YES1: variants seen among roughly 807,000 people sequenced by gnomAD.
YES1 encodes YES proto-oncogene 1, Src family tyrosine kinase.
In YES1, 39 loss-of-function variants were observed where a neutral mutation model predicts 70.4. The observed-to-expected ratio is 0.55, with a 90% CI of 0.43 to 0.72. YES1 has a LOEUF of 0.72. Among genes scored for constraint, YES1 ranks in the 30% least tolerant of loss-of-function variants. The pLI is 0.00. For synonymous variants in YES1, 198 were observed against 218.6 expected (o/e 0.91, Z 0.83); for missense variants, 495 against 644.8 (o/e 0.77, Z 2.52).
intron 11 of YES1, 53 bp downstream of exon 11, chr18:732,781 C>T: frequency 6.2e-7 from 1 of 1,611,910 alleles, no homozygotes; most frequent in Non-Finnish European, 8.5e-7. Flanking sequence ...TCCTAATAAA[C>T]TCCTGATAAA....
At chr18:802,932 A>G (rs1341367969) in intron 1 of YES1, among the ~76,000 whole-genome samples, 1 of 152,066 alleles carries the variant, frequency 6.6e-6, no homozygotes, top group Non-Finnish European at 1.5e-5. Flanking sequence ...AAAAAAAAAT[A>G]AAAATAAAAA....
intron 1 of YES1, among the ~76,000 whole-genome samples, chr18:779,086 C>T (rs193079845): frequency 6.6e-6 from 1 of 152,142 alleles, no homozygotes; most frequent in Non-Finnish European, 1.5e-5. Context: ...ATAGGATCAG[C>T]CATGAGAAGA....
chr18:781,361 T>C (rs569050360), intron 1 of YES1, among the ~76,000 whole-genome samples: 1 of 152,048 alleles, frequency 6.6e-6, no homozygotes, highest in Admixed American at 6.6e-5. Flanking sequence ...AAATGTACCA[T>C]ACTGTTTTCA....
chr18:751,487 A>C (rs1196252092), intron 3 of YES1, among the ~76,000 whole-genome samples: 1 of 152,236 alleles, frequency 6.6e-6, no homozygotes, highest in Non-Finnish European at 1.5e-5. Context: ...TCTACTGTTT[A>C]TGGCAGAACC....
At chr18:743,127 T>C (rs764433044) in intron 7 of YES1, 30 bp from the exon 8 acceptor site, 4 of 1,554,830 alleles carry the variant, frequency 2.6e-6, no homozygotes, top group South Asian at 1.2e-5. Context: ...TAGGAATTTA[T>C]ATTTTAAAGG....
chr18:800,596 G>A (rs1308217031), intron 1 of YES1, among the ~76,000 whole-genome samples: 2 of 152,158 alleles, frequency 1.3e-5, no homozygotes. Flanking sequence ...AGATACAATT[G>A]GAGAAATAAA....
At chr18:787,449 C>T (rs906852374) in intron 1 of YES1, among the ~76,000 whole-genome samples, 11 of 151,968 alleles carry the variant, frequency 7.2e-5, no homozygotes, top group Non-Finnish European at 1.3e-4. Flanking sequence ...GTGGCTCACA[C>T]CTGTAATCCC....
At chr18:786,859 C>G (rs1478013845) in intron 1 of YES1, among the ~76,000 whole-genome samples, 1 of 151,944 alleles carries the variant, frequency 6.6e-6, no homozygotes, top group Non-Finnish European at 1.5e-5. Flanking sequence ...CATCTTTGAA[C>G]AGAAACACAC....
chr18:809,764 T>TA (rs11382218), intron 1 of YES1, among the ~76,000 whole-genome samples: 9,001 of 151,740 alleles, frequency 0.059, 402 homozygotes, highest in East Asian at 0.12. Context: ...CTGGATTCCT[T>TA]AAAAAAACAA....
At chr18:765,675 G>A (rs1048961614) in intron 1 of YES1, among the ~76,000 whole-genome samples, 8 of 152,148 alleles carry the variant, frequency 5.3e-5, no homozygotes, top group African/African-American at 1.7e-4. Flanking sequence ...TGGGATTACA[G>A]GCGTGAGCCA....
intron 3 of YES1, among the ~76,000 whole-genome samples, chr18:749,782 C>G (rs1277159332): frequency 6.6e-6 from 1 of 151,220 alleles, no homozygotes; most frequent in African/African-American, 2.4e-5. Context: ...ATGGCATGAA[C>G]CCAGGGGGCA....
At chr18:785,002 T>C (rs1447791688) in intron 1 of YES1, among the ~76,000 whole-genome samples, 1 of 152,184 alleles carries the variant, frequency 6.6e-6, no homozygotes. Context: ...ATCATGCTCA[T>C]GCTCAACTGT....
At chr18:803,912 G>T (rs1314140091) in intron 1 of YES1, among the ~76,000 whole-genome samples, 1 of 152,196 alleles carries the variant, frequency 6.6e-6, no homozygotes, top group Non-Finnish European at 1.5e-5. Flanking sequence ...ACTCCAACGG[G>T]CTGCCTAGAA....
At chr18:808,192 C>T (rs1373271116) in intron 1 of YES1, among the ~76,000 whole-genome samples, 1 of 152,202 alleles carries the variant, frequency 6.6e-6, no homozygotes, top group African/African-American at 2.4e-5. Flanking sequence ...AACAGTAGTG[C>T]TGCTGCAGCC....
At chr18:760,057 G>A (rs1904505766) in intron 1 of YES1, among the ~76,000 whole-genome samples, 1 of 152,092 alleles carries the variant, frequency 6.6e-6, no homozygotes, top group African/African-American at 2.4e-5. Flanking sequence ...TTTTATGGCT[G>A]CATAGTATTC....
chr18:738,093 T>C (rs542727876), intron 9 of YES1: 44 of 152,064 alleles, frequency 2.9e-4, no homozygotes, highest in Admixed American at 2.5e-3. Context: ...TCCCCTACCA[T>C]AGAGTGTCTA....
intron 11 of YES1, among the ~76,000 whole-genome samples, chr18:727,096 T>G (rs2080030098): frequency 6.6e-6 from 1 of 152,342 alleles, no homozygotes; most frequent in Non-Finnish European, 1.5e-5. Flanking sequence ...GTTTATATTC[T>G]GATTATCATC....
intron 1 of YES1, among the ~76,000 whole-genome samples, chr18:782,042 G>C (rs570410752): frequency 6.6e-6 from 1 of 152,120 alleles, no homozygotes; most frequent in East Asian, 1.9e-4. Flanking sequence ...TGTTTCTCCT[G>C]GTCTTTCCAT....
At chr18:774,909 A>G (rs1001447361) in intron 1 of YES1, 7 of 152,214 alleles carry the variant, frequency 4.6e-5, no homozygotes, top group East Asian at 1.9e-4. Context: ...CTGTGCCCCA[A>G]CTTGCCTCAC....
Sources: allele counts gnomAD v4.1 joint callset (sites outside exome capture counted in the v4.1 genomes callset), GRCh38; gene constraint gnomAD v4.1.1; transcripts MANE v1.5; gene names NCBI Gene and HGNC (gene_info 2026-07-23, HGNC 2026-07-21).